Variants in ADAMTSL3 observed in about 807,000 individuals in gnomAD.
ADAMTSL3 encodes ADAMTS-like protein 3.
A neutral mutation model predicts 201.7 loss-of-function variants in ADAMTSL3; 128 were observed. The ratio of observed to expected loss-of-function variants is 0.63; its 90% CI spans 0.55 to 0.73. The LOEUF is 0.73. Among genes scored for constraint, ADAMTSL3 ranks in the 30% least tolerant of loss-of-function variants. The pLI is 0.00. For missense variants in ADAMTSL3, 1,990 were observed against 2,119.6 expected (o/e 0.94, Z 1.20); for synonymous variants, 738 against 748.4 (o/e 0.99, Z 0.23).
At chr15:83,779,697 C>CAAA (rs199855902) in intron 4 of ADAMTSL3, among the ~76,000 whole-genome samples, 9 of 72,072 alleles carry the variant, frequency 1.2e-4, no homozygotes, top group African/African-American at 3.2e-4. Flanking sequence ...GACTCCATCT[C>CAAA]AAAAAAAAAA....
At position 83,705,117 on chromosome 15, in the gene ADAMTSL3, G is replaced by A. The variant is rs733704; in HGVS notation, c.189+609G>A. 2.5e-3 allele frequency among the ~76,000 whole-genome samples: 382 copies of A among 152,278 alleles called. 1 individual carries two copies. Among genetic ancestry groups the A allele is most frequent in the African/African-American group, 8.9e-3 (369 of 41,532 alleles). On this transcript the variant is annotated intron_variant, in intron 3 of 29. Coordinates refer to ENST00000286744, the MANE Select transcript of ADAMTSL3 (RefSeq NM_207517.3). ...CTCAATTCACCTTGATGCCATAATA[G>A]CATTTAAGATTATCCATCTTTGAAA... is the stretch of plus-strand genomic sequence containing the variant.
chr15:83,870,513 A>T (rs1342234527), intron 8 of ADAMTSL3, among the ~76,000 whole-genome samples: 1 of 152,246 alleles, frequency 6.6e-6, no homozygotes, highest in Non-Finnish European at 1.5e-5. Context: ...TAGCTAAATC[A>T]TGAAAACATA....
At chr15:83,673,590 T>C (rs543147371) in intron 2 of ADAMTSL3, among the ~76,000 whole-genome samples, 1 of 152,300 alleles carries the variant, frequency 6.6e-6, no homozygotes, top group South Asian at 2.1e-4. Context: ...CCTGGGGTAG[T>C]GTCCTAGATG....
intron 9 of ADAMTSL3, among the ~76,000 whole-genome samples, chr15:83,875,811 A>T (rs996219124): frequency 1.8e-4 from 28 of 152,140 alleles, no homozygotes; most frequent in Admixed American, 1.2e-3. Context: ...AATAAATAAA[A>T]AAAAGAACAA....
At chr15:83,995,804 T>C (rs987958427) in intron 23 of ADAMTSL3, among the ~76,000 whole-genome samples, 2 of 152,158 alleles carry the variant, frequency 1.3e-5, no homozygotes, top group Non-Finnish European at 2.9e-5. Context: ...AAAGCACATA[T>C]GGCTGAGAAT....
intron 3 of ADAMTSL3, among the ~76,000 whole-genome samples, chr15:83,734,613 T>G (rs1345061059): frequency 6.6e-6 from 1 of 152,094 alleles, no homozygotes; most frequent in Non-Finnish European, 1.5e-5. Flanking sequence ...ACCTGCCGGT[T>G]CAGGTATGGG....
intron 29 of ADAMTSL3, 38 bp downstream of exon 29, chr15:84,037,025 GC>G (rs968391961): frequency 5.6e-6 from 9 of 1,595,250 alleles, no homozygotes; most frequent in African/African-American, 1.3e-5. Flanking sequence ...TGCCCCAGAG[GC>G]CTTGATGGCA....
chr15:83,752,031 A>G (rs546811003), intron 3 of ADAMTSL3, among the ~76,000 whole-genome samples: 24 of 152,368 alleles, frequency 1.6e-4, no homozygotes, highest in African/African-American at 5.0e-4. Context: ...ATGAGAAACA[A>G]TACATTTTAA....
intron 3 of ADAMTSL3, among the ~76,000 whole-genome samples, chr15:83,744,132 G>A (rs1032737652): frequency 5.3e-5 from 8 of 152,162 alleles, no homozygotes; most frequent in African/African-American, 2.4e-5. Flanking sequence ...TTATAGGCGT[G>A]AGCCACTGCG....
At chr15:83,811,481 G>A (rs1256227374) in intron 5 of ADAMTSL3, among the ~76,000 whole-genome samples, 1 of 152,198 alleles carries the variant, frequency 6.6e-6, no homozygotes, top group Non-Finnish European at 1.5e-5. Context: ...CAACACAAGT[G>A]TTAGAGTATT....
intron 2 of ADAMTSL3, among the ~76,000 whole-genome samples, chr15:83,677,384 A>G (rs2061421472): frequency 6.6e-6 from 1 of 152,152 alleles, no homozygotes; most frequent in Non-Finnish European, 1.5e-5. Flanking sequence ...GAAATCCTCA[A>G]GTATAGTTTC....
chr15:83,877,112 T>C (rs1368223433), intron 9 of ADAMTSL3, among the ~76,000 whole-genome samples: 1 of 151,462 alleles, frequency 6.6e-6, no homozygotes, highest in South Asian at 2.1e-4. Context: ...CAAAAAAAAT[T>C]TTTTTTTTGT....
rs779469692 is a variant in ADAMTSL3 at position 84,037,727 on chromosome 15, G to C, written c.4997G>C (p.Cys1666Ser). 56 of 1,612,648 alleles carry C rather than the reference G, an allele frequency of 3.5e-5. No individual in the cohort carries two copies. Among genetic ancestry groups the C allele is most frequent in the Non-Finnish European group, 4.7e-5 (55 of 1,179,484 alleles). The change falls in exon 30 of 30, where the codon TGT (cysteine) becomes TCT (serine). Residue 1666 changes from cysteine (C) to serine (S), a missense_variant. Coordinates refer to ENST00000286744, the MANE Select transcript of ADAMTSL3 (RefSeq NM_207517.3). ...GACTGCACAGACACAACTCACTACTGTATGTTTGTAAAACATCTTAATTTG... is the reference window on the plus strand; with the variant it reads ...GACTGCACAGACACAACTCACTACTCTATGTTTGTAAAACATCTTAATTTG... Reference protein sequence around the residue: ...DRDCTDTTHYCMFVKHLNLCS... With the variant: ...DRDCTDTTHYSMFVKHLNLCS...
At chr15:83,688,571 A>C (rs544094041) in intron 2 of ADAMTSL3, among the ~76,000 whole-genome samples, 363 of 152,044 alleles carry the variant, frequency 2.4e-3, no homozygotes, top group Non-Finnish European at 4.4e-3. Context: ...ATTTATTTGT[A>C]TATTTTTAAC....
chr15:83,827,708 C>T (rs1174322014), intron 6 of ADAMTSL3, among the ~76,000 whole-genome samples: 4 of 152,170 alleles, frequency 2.6e-5, no homozygotes, highest in Middle Eastern at 3.2e-3. Context: ...AGGAAGGGAT[C>T]CAGTTTCAGC....
At chr15:83,881,736 T>A (rs1029173925) in intron 9 of ADAMTSL3, among the ~76,000 whole-genome samples, 1 of 152,032 alleles carries the variant, frequency 6.6e-6, no homozygotes, top group Admixed American at 6.5e-5. Flanking sequence ...GCGCCTGTAA[T>A]CACAGCTACT....
intron 4 of ADAMTSL3, among the ~76,000 whole-genome samples, chr15:83,782,856 T>TG (rs766905797): frequency 8.6e-5 from 13 of 151,420 alleles, no homozygotes; most frequent in Admixed American, 6.6e-5. Context: ...AGCCTGCACA[T>TG]GTACCTCTGA....
At chr15:83,917,868 A>C (rs920558526) in intron 16 of ADAMTSL3, among the ~76,000 whole-genome samples, 1 of 152,218 alleles carries the variant, frequency 6.6e-6, no homozygotes, top group Admixed American at 6.5e-5. Flanking sequence ...TGATTATTAA[A>C]TAAGGTGATG....
intron 6 of ADAMTSL3, among the ~76,000 whole-genome samples, chr15:83,827,686 G>T (rs1325620091): frequency 6.6e-6 from 1 of 152,154 alleles, no homozygotes; most frequent in African/African-American, 2.4e-5. Context: ...ATTAATTTTT[G>T]TATAAGGTGC....
Sources: gnomAD v4.1 joint callset for allele counts (sites outside exome capture counted in the v4.1 genomes callset) on GRCh38, gnomAD v4.1.1 for gene constraint, MANE v1.5 for transcripts, NCBI Gene and HGNC (gene_info 2026-07-23, HGNC 2026-07-21) for gene names.